Variants in FAM72A observed in about 807,000 individuals in gnomAD.
FAM72A encodes the protein regulator of UNG2 and MKLN1 interacting yippee protein 1, also known as protein FAM72A.
FAM72A carries 1 observed loss-of-function variant against 11.3 expected under a neutral mutation model. That is an observed-to-expected ratio of 0.09 (90% CI 0.03 to 0.42). The LOEUF (loss-of-function observed/expected upper bound fraction) is 0.42. Among genes scored for constraint, FAM72A ranks in the 10% least tolerant of loss-of-function variants. The pLI, the probability that FAM72A is intolerant of heterozygous loss-of-function variation, is 0.98. For missense variants in FAM72A, 15 were observed against 135.5 expected (o/e 0.11, Z 4.41); for synonymous variants, 5 against 46.9 (o/e 0.11, Z 3.65).
upstream of FAM72A, chr1:206,203,268 T>C (rs1315623262): frequency 3.1e-5 from 12 of 389,780 alleles, no homozygotes; most frequent in Non-Finnish European, 4.5e-5. Flanking sequence ...GCTCAAGAGT[T>C]TGTGTTTGGT....
chr1:206,203,025 T>G (rs1252336638), upstream of FAM72A, among the ~76,000 whole-genome samples: 2 of 152,122 alleles, frequency 1.3e-5, no homozygotes, highest in Admixed American at 1.3e-4. Context: ...GTAACGGTGC[T>G]GAGATCAATT....
chr1:206,203,331 C>G (rs1226016946), upstream of FAM72A: 3 of 397,624 alleles, frequency 7.5e-6, no homozygotes, highest in African/African-American at 2.1e-5. Flanking sequence ...GTTCAACAAC[C>G]CGGGGTGGAG....
intron 3 of FAM72A, among the ~76,000 whole-genome samples, chr1:206,189,478 G>C (rs1664687192): frequency 9.1e-6 from 1 of 109,966 alleles, no homozygotes; most frequent in East Asian, 2.5e-4. Context: ...CCCACCCTAA[G>C]AATGAATGGT....
At chr1:206,193,516 A>G (rs1163830643) in intron 3 of FAM72A, among the ~76,000 whole-genome samples, 1 of 152,206 alleles carries the variant, frequency 6.6e-6, no homozygotes, top group Non-Finnish European at 1.5e-5. Context: ...TACACAAAAC[A>G]GCCTTCTATT....
chr1:206,204,839 C>CAATG (rs1665742814), upstream of FAM72A: 1 of 132,852 alleles, frequency 7.5e-6, no homozygotes, highest in Admixed American at 7.3e-5. Context: ...AACCCGTTTC[C>CAATG]TGCTTCAGCT....
At chr1:206,198,187 A>T (rs1665169951) in intron 2 of FAM72A, among the ~76,000 whole-genome samples, 1 of 147,296 alleles carries the variant, frequency 6.8e-6, no homozygotes, top group Non-Finnish European at 1.5e-5. Flanking sequence ...AACACGGTGA[A>T]ACCCTGTCTC....
chr1:206,194,513 CT>C (rs1558205378), intron 3 of FAM72A, among the ~76,000 whole-genome samples: 1 of 151,704 alleles, frequency 6.6e-6, no homozygotes, highest in Non-Finnish European at 1.5e-5. Context: ...ACAGAGAAAT[CT>C]TTTGTGAAAG....
At chr1:206,196,786 C>T (rs1477056202) in intron 2 of FAM72A, among the ~76,000 whole-genome samples, 1 of 151,620 alleles carries the variant, frequency 6.6e-6, no homozygotes, top group Admixed American at 6.6e-5. Context: ...CTCAGTCTTT[C>T]ACAATTTTTT....
At chr1:206,187,480 A>G in intron 3 of FAM72A, 107 bp from the exon 4 acceptor site, 1 of 909,632 alleles carries the variant, frequency 1.1e-6, no homozygotes, top group Non-Finnish European at 1.7e-6. Flanking sequence ...CCATAGTGTT[A>G]GCAGTAAAAA....
chr1:206,193,171 C>G (rs1170558801), intron 3 of FAM72A, among the ~76,000 whole-genome samples: 1 of 151,774 alleles, frequency 6.6e-6, no homozygotes, highest in Non-Finnish European at 1.5e-5. Flanking sequence ...CCTCGGCCTC[C>G]CAAACTGCTG....
At chr1:206,203,804 C>G (rs567032003), upstream of FAM72A, 151 of 1,532,646 alleles carry the variant, frequency 9.9e-5, 1 homozygote, top group Admixed American at 2.4e-4. Context: ...GACCGCCCCC[C>G]CTCCACCCTC....
Position 206,197,909 on chromosome 1 carries a change from G to A in FAM72A, c.230+1898C>T, listed in dbSNP as rs558704596. On this transcript the variant is annotated intron_variant, in intron 2 of 3. Transcript: ENST00000367128. ...AGCCTGGGCAACAGAGCAAGACTCCGTCTCAAAACAAAACAAAAAAAATGT... is the reference window on the plus strand; with the variant it reads ...AGCCTGGGCAACAGAGCAAGACTCCATCTCAAAACAAAACAAAAAAAATGT... 1.2e-4 allele frequency among the ~76,000 whole-genome samples: 18 copies of A among 151,140 alleles called. No homozygotes were observed. In the South Asian group the frequency reaches 3.2e-3, roughly 27 times the overall value.
chr1:206,203,389 T>C, upstream of FAM72A: 8 of 396,468 alleles, frequency 2.0e-5, no homozygotes, highest in Admixed American at 4.4e-5. Flanking sequence ...CCTCCAAGTT[T>C]TGCCAGCTCC....
chr1:206,189,317 TACCTTG>T (rs1664678897), intron 3 of FAM72A, among the ~76,000 whole-genome samples: 1 of 149,564 alleles, frequency 6.7e-6, no homozygotes, highest in South Asian at 2.1e-4. Context: ...ATTAACTGTT[TACCTTG>T]ACTGAGGGAG....
chr1:206,204,011 GCCGGCCT>G (rs1553300292), upstream of FAM72A: 12 of 1,033,842 alleles, frequency 1.2e-5, no homozygotes, highest in South Asian at 1.8e-4. Flanking sequence ...GTAATCATCG[GCCGGCCT>G]CCTCCAGTGT....
chr1:206,200,168 T>G (rs1665289208), intron 1 of FAM72A, among the ~76,000 whole-genome samples: 1 of 149,712 alleles, frequency 6.7e-6, no homozygotes, highest in African/African-American at 2.5e-5. Context: ...TTGGCTATTG[T>G]GAATAATGCT....
At chr1:206,191,838 C>A (rs2102380554) in intron 3 of FAM72A, among the ~76,000 whole-genome samples, 1 of 149,524 alleles carries the variant, frequency 6.7e-6, no homozygotes, top group South Asian at 2.1e-4. Context: ...AGGGGGGTTT[C>A]ATCATATTGG....
chr1:206,195,650 GC>G (rs1442213232), intron 3 of FAM72A, 101 bp downstream of exon 3: 1 of 1,130,860 alleles, frequency 8.8e-7, no homozygotes, highest in African/African-American at 2.4e-5. Context: ...AGCTAATCCA[GC>G]TAAGAAGATC....
chr1:206,203,701 G>T (rs578006193), upstream of FAM72A: 7 of 1,216,174 alleles, frequency 5.8e-6, no homozygotes, highest in South Asian at 3.1e-5. Flanking sequence ...CCGGGCTGGA[G>T]CCCTGACTGA....
Sources: allele counts gnomAD v4.1 joint callset (sites outside exome capture counted in the v4.1 genomes callset), GRCh38; gene constraint gnomAD v4.1.1; transcripts MANE v1.5; gene names NCBI Gene and HGNC (gene_info 2026-07-23, HGNC 2026-07-21).